Variants in GATAD2B observed in about 807,000 individuals in gnomAD.
GATAD2B encodes the protein transcriptional repressor p66-beta.
In GATAD2B, 8 loss-of-function variants were observed where a neutral mutation model predicts 64.3. The ratio of observed to expected loss-of-function variants is 0.12; its 90% confidence interval spans 0.07 to 0.22. The LOEUF (loss-of-function observed/expected upper bound fraction) is 0.22, where lower values mean the gene tolerates loss of function less well. Ranked by LOEUF, GATAD2B falls within the 10% of genes least tolerant of loss-of-function variation. GATAD2B has a pLI of 1.00. For synonymous variants in GATAD2B, 281 were observed against 271.3 expected (o/e 1.04, Z -0.35); for missense variants, 453 against 752.0 (o/e 0.60, Z 4.65).
intron 1 of GATAD2B, among the ~76,000 whole-genome samples, chr1:153,892,376 T>C (rs1326357677): frequency 1.3e-5 from 2 of 151,900 alleles, no homozygotes; most frequent in African/African-American, 2.4e-5. Context: ...GACCAAATAT[T>C]AAACATACTA....
chr1:153,862,468 A>G (rs1676339842), intron 1 of GATAD2B, among the ~76,000 whole-genome samples: 1 of 152,072 alleles, frequency 6.6e-6, no homozygotes, highest in African/African-American at 2.4e-5. Flanking sequence ...ATCCCTATAA[A>G]GATGAGCAAA....
chr1:153,879,000 T>C (rs1284784726), intron 1 of GATAD2B, among the ~76,000 whole-genome samples: 1 of 151,870 alleles, frequency 6.6e-6, no homozygotes, highest in Non-Finnish European at 1.5e-5. Flanking sequence ...AGTGCAGTGG[T>C]ACGATCTTGG....
At chr1:153,917,028 G>T (rs759367171) in intron 1 of GATAD2B, among the ~76,000 whole-genome samples, 1 of 150,690 alleles carries the variant, frequency 6.6e-6, no homozygotes, top group African/African-American at 2.4e-5. Context: ...GGCGGGTCTT[G>T]AACTCCTGAC....
At chr1:153,850,747 T>C (rs947566332) in intron 1 of GATAD2B, among the ~76,000 whole-genome samples, 2 of 151,920 alleles carry the variant, frequency 1.3e-5, no homozygotes, top group Non-Finnish European at 2.9e-5. Flanking sequence ...ATAGTGAAAC[T>C]TCGTCTCTAC....
rs764411929 is a variant in GATAD2B at position 153,810,126 on chromosome 1, G to A, written c.*51C>T. ...TGCGACAGAAGTTGGGGGAATGAAA[G>A]AGGAAAGGGATAAAGGATTCAAGGA... On this transcript the variant is annotated 3_prime_UTR_variant, in exon 11 of 11. Transcript: ENST00000368655. 207 of 1,552,412 alleles carry A rather than the reference G, an allele frequency of 1.3e-4. No individual in the cohort carries two copies. Among genetic ancestry groups the A allele is most frequent in the Middle Eastern group, 6.8e-4 (4 of 5,898 alleles).
chr1:153,834,494 T>A (rs1257084055), intron 1 of GATAD2B, among the ~76,000 whole-genome samples: 1 of 152,128 alleles, frequency 6.6e-6, no homozygotes, highest in African/African-American at 2.4e-5. Flanking sequence ...GTTCAAGCAA[T>A]TCTCCTGCCT....
chr1:153,876,372 G>A (rs779854287), intron 1 of GATAD2B, among the ~76,000 whole-genome samples: 4 of 150,668 alleles, frequency 2.7e-5, no homozygotes, highest in Admixed American at 6.6e-5. Flanking sequence ...TTTGGTTTCC[G>A]ATCCAACCAG....
rs146258599 is a variant in GATAD2B at position 153,901,213 on chromosome 1, C to CAA, written c.-2+21518_-2+21519dup. On this transcript the variant is annotated intron_variant, in intron 1 of 10. Transcript: ENST00000368655. ...TGGGCAACAGAGCAAAATTCTACCTCAAAAAAAAAAAAAAATTTATATGTT... is the reference window on the plus strand; with the variant it reads ...TGGGCAACAGAGCAAAATTCTACCTCAAAAAAAAAAAAAAAAATTTATATGTT... Among the ~76,000 whole-genome samples, 145 of 138,972 alleles carry CAA rather than the reference C, an allele frequency of 1.0e-3. 1 individual carries two copies. The highest frequency in any genetic ancestry group is 3.7e-3 in the Middle Eastern group (1 of 270). 91.2% of individuals were successfully genotyped at this position (138,972 alleles called of 152,430 possible). A position where few individuals can be genotyped will look rare whatever the true frequency, so the allele number is the denominator to read the frequency against.
intron 1 of GATAD2B, among the ~76,000 whole-genome samples, chr1:153,914,440 T>TG (rs1212920529): frequency 2.6e-5 from 4 of 152,168 alleles, no homozygotes; most frequent in African/African-American, 9.7e-5. Flanking sequence ...AGACTTCAAG[T>TG]GACTCAACCA....
At chr1:153,841,169 AAAG>A (rs1407833092) in intron 1 of GATAD2B, among the ~76,000 whole-genome samples, 9 of 152,052 alleles carry the variant, frequency 5.9e-5, no homozygotes, top group Non-Finnish European at 1.0e-4. Context: ...AGATGGAGAT[AAAG>A]AAGATCTCAT....
At chr1:153,849,081 A>G (rs1282157115) in intron 1 of GATAD2B, among the ~76,000 whole-genome samples, 1 of 151,580 alleles carries the variant, frequency 6.6e-6, no homozygotes, top group Non-Finnish European at 1.5e-5. Context: ...AAACTCCTTG[A>G]GCTCAAATGA....
chr1:153,854,951 T>C (rs531875870), intron 1 of GATAD2B, among the ~76,000 whole-genome samples: 16 of 151,996 alleles, frequency 1.1e-4, no homozygotes, highest in Admixed American at 5.3e-4. Flanking sequence ...TTCAAAAAAG[T>C]TGATATAAAA....
chr1:153,805,956 G>C lies in GATAD2B; in HGVS notation c.*4221C>G, dbSNP rs1674101770. 2 of 152,156 alleles carry C rather than the reference G, an allele frequency of 1.3e-5. No homozygotes were observed. Among genetic ancestry groups the C allele is most frequent in the Non-Finnish European group, 2.9e-5 (2 of 68,048 alleles). The allele number at this position is 152,156 out of a possible 1,614,324, so 9.4% of individuals were successfully genotyped here. A position where few individuals can be genotyped will look rare whatever the true frequency, so the allele number is the denominator to read the frequency against. ...GTGCAGATGGATGTGGCTCTCACTA[G>C]GTGAAATTTCCTCAGGATGACTTAT... On this transcript the variant is annotated 3_prime_UTR_variant, in exon 11 of 11. Coordinates refer to ENST00000368655, the MANE Select transcript of GATAD2B (RefSeq NM_020699.4).
chr1:153,836,277 T>C (rs548635636), intron 1 of GATAD2B, among the ~76,000 whole-genome samples: 1 of 150,352 alleles, frequency 6.7e-6, no homozygotes, highest in East Asian at 2.0e-4. Flanking sequence ...TTTTTTTTTT[T>C]TTTTTAGACA....
intron 1 of GATAD2B, among the ~76,000 whole-genome samples, chr1:153,900,801 A>T (rs1677744213): frequency 6.6e-6 from 1 of 152,082 alleles, no homozygotes; most frequent in Non-Finnish European, 1.5e-5. Flanking sequence ...AGACAATATG[A>T]AAAAAAATGA....
intron 1 of GATAD2B, among the ~76,000 whole-genome samples, chr1:153,891,886 G>A (rs911550339): frequency 1.3e-5 from 2 of 151,832 alleles, no homozygotes; most frequent in South Asian, 2.1e-4. Flanking sequence ...GTTTATGGCC[G>A]GGTGCAGTGG....
At chr1:153,852,860 G>C in intron 1 of GATAD2B, 1 of 781,896 alleles carries the variant, frequency 1.3e-6, no homozygotes, top group Non-Finnish European at 2.3e-6. Flanking sequence ...GGGAGGTACT[G>C]TCCTACCAAG....
In GATAD2B at chr1:153,809,158, C is replaced by T. The variant is rs1240575843; in HGVS notation, c.*1019G>A. On this transcript the variant is annotated 3_prime_UTR_variant, in exon 11 of 11. Transcript: ENST00000368655. ...ACCCAGCAAACAGCCTTGGAACAGC[C>T]GTTCCTCTGTATTATAGATGGGGCT... 4 of 152,144 alleles carry T rather than the reference C, an allele frequency of 2.6e-5. No individual in the cohort carries two copies. Among genetic ancestry groups the T allele is most frequent in the African/African-American group, 4.8e-5 (2 of 41,420 alleles). The allele number at this position is 152,144 out of a possible 1,614,324, so 9.4% of individuals were successfully genotyped here. A position where few individuals can be genotyped will look rare whatever the true frequency, so the allele number is the denominator to read the frequency against.
At position 153,828,185 on chromosome 1, in the gene GATAD2B, C is replaced by A. The variant is rs368469689; in HGVS notation, c.163G>T (p.Ala55Ser). The A allele has an allele frequency of 4.5e-5, 73 of 1,614,094 alleles. No homozygotes were observed. Among genetic ancestry groups the A allele is most frequent in the Non-Finnish European group, 6.2e-5 (73 of 1,180,056 alleles). The change falls in exon 2 of 11, where the codon GCA becomes TCA. Residue 55 changes from alanine (A) to serine (S), a missense_variant. Physicochemically the swap from Ala to Ser is moderately conservative, Grantham distance 99. Transcript: ENST00000368655. ...AACTCATGTGGCACCTCAAGATTTG[C>A]CAAATCCTTCCTTTTGAGCAATGCC... ...MLALLKRKDL[A>S]NLEVPHELPT...
Sources: allele counts gnomAD v4.1 joint callset (sites outside exome capture counted in the v4.1 genomes callset), GRCh38; gene constraint gnomAD v4.1.1; transcripts MANE v1.5; gene names NCBI Gene and HGNC (gene_info 2026-07-23, HGNC 2026-07-21).